Variants in LDLRAD4 observed in about 807,000 individuals in gnomAD.
LDLRAD4 encodes the protein low-density lipoprotein receptor class A domain-containing protein 4.
In LDLRAD4, 5 loss-of-function variants were observed where a neutral mutation model predicts 17.0. The ratio of observed to expected loss-of-function variants is 0.29; its 90% CI spans 0.15 to 0.62. The LOEUF (loss-of-function observed/expected upper bound fraction) is 0.62. LDLRAD4 is among the 20% of genes least tolerant of loss of function. LDLRAD4 has a pLI of 0.84. For missense variants in LDLRAD4, 340 were observed against 424.7 expected, an observed-to-expected ratio of 0.80 and a Z score of 1.75; for synonymous variants, 168 against 171.8, an observed-to-expected ratio of 0.98 and a Z score of 0.17.
chr18:13,477,530 C>G (rs112910735), intron 3 of LDLRAD4, among the ~76,000 whole-genome samples: 467 of 152,340 alleles, frequency 3.1e-3, no homozygotes, highest in African/African-American at 0.011. Context: ...GTGCAGGCAG[C>G]ATGGCTTGGA....
At chr18:13,353,511 T>C (rs1275417248) in intron 1 of LDLRAD4, among the ~76,000 whole-genome samples, 2 of 152,226 alleles carry the variant, frequency 1.3e-5, no homozygotes, top group Non-Finnish European at 2.9e-5. Context: ...TCTGTTGCCC[T>C]AGGTGTCTGT....
chr18:13,355,066 A>G lies in LDLRAD4; in HGVS notation c.-382-32275A>G, dbSNP rs113443877. ...GACATGTTGGTCATAAACAGGATCG[A>G]TGGGCAGATTCAAGTTGTTGGACTA... is the stretch of plus-strand genomic sequence containing the variant. On this transcript the variant is annotated intron_variant, in intron 1 of 5. Transcript: ENST00000359446. 5.1e-3 allele frequency among the ~76,000 whole-genome samples: 770 copies of G among 152,336 alleles called. 11 individuals carry two copies. The highest frequency in any genetic ancestry group is 0.018 in the African/African-American group (741 of 41,576).
intron 3 of LDLRAD4, among the ~76,000 whole-genome samples, chr18:13,511,538 A>G (rs2093778939): frequency 6.6e-6 from 1 of 152,226 alleles, no homozygotes. Flanking sequence ...CACACAGGTT[A>G]TCAGTGTACT....
At chr18:13,477,838 C>T (rs745916018) in intron 3 of LDLRAD4, among the ~76,000 whole-genome samples, 39 of 152,158 alleles carry the variant, frequency 2.6e-4, no homozygotes, top group Non-Finnish European at 1.0e-4. Context: ...TCCCTCAAGT[C>T]GATGTAGTCA....
rs1316882015 is a variant in LDLRAD4, at chr18:13,405,307, T to C, written c.40+17545T>C. 2.6e-5 allele frequency among the ~76,000 whole-genome samples: 4 copies of C among 152,222 alleles called. No individual in the cohort carries two copies. In the East Asian group the frequency reaches 7.7e-4, roughly 29 times the overall value. On this transcript the variant is annotated intron_variant, in intron 2 of 5. Coordinates refer to ENST00000359446, the Ensembl canonical transcript of LDLRAD4. Reference sequence around the variant, plus strand: ...GGCTTAGAGAGACAATACATCTTGTTGGTGGCAGAGTTGGACTTTCTACCC... The same window carrying C: ...GGCTTAGAGAGACAATACATCTTGTCGGTGGCAGAGTTGGACTTTCTACCC...
In LDLRAD4 at chr18:13,385,604, C is replaced by G. The variant is rs565641897; in HGVS notation, c.-382-1737C>G. 3.3e-5 allele frequency among the ~76,000 whole-genome samples: 5 copies of G among 152,300 alleles called. No individual in the cohort carries two copies. In the South Asian group the frequency reaches 1.0e-3, roughly 32 times the overall value. ...TTTAGAGAATGAGAACAAATAAAGTCTAGCATATTTGCACACCAAAAGCAT... is the reference window on the plus strand; with the variant it reads ...TTTAGAGAATGAGAACAAATAAAGTGTAGCATATTTGCACACCAAAAGCAT... On this transcript the variant is annotated intron_variant, in intron 1 of 5. Coordinates refer to ENST00000359446, the Ensembl canonical transcript of LDLRAD4.
chr18:13,334,003 G>A (rs1260352044), intron 1 of LDLRAD4, among the ~76,000 whole-genome samples: 1 of 152,186 alleles, frequency 6.6e-6, no homozygotes, highest in African/African-American at 2.4e-5. Context: ...GAACTGACAT[G>A]TTGACAATAT....
intron 4 of LDLRAD4, chr18:13,641,800 T>G (rs996321108): frequency 2.0e-6 from 2 of 985,568 alleles, no homozygotes; most frequent in African/African-American, 3.5e-5. Flanking sequence ...GCGGCTCCTG[T>G]GGGCACTTGG....
intron 3 of LDLRAD4, among the ~76,000 whole-genome samples, chr18:13,546,877 C>A (rs1390509402): frequency 6.6e-6 from 1 of 152,198 alleles, no homozygotes; most frequent in Non-Finnish European, 1.5e-5. Flanking sequence ...GAAATAGCCA[C>A]ACAGAAAGCC....
chr18:13,293,497 A>ACCCC (rs2146447170), intron 1 of LDLRAD4, among the ~76,000 whole-genome samples: 1 of 152,342 alleles, frequency 6.6e-6, no homozygotes, highest in African/African-American at 2.4e-5. Flanking sequence ...ACCTATGCAA[A>ACCCC]CCCCATACAA....
At chr18:13,413,389 A>G (rs577170816) in intron 2 of LDLRAD4, among the ~76,000 whole-genome samples, 1 of 152,370 alleles carries the variant, frequency 6.6e-6, no homozygotes, top group Non-Finnish European at 1.5e-5. Flanking sequence ...GACAAAGTAA[A>G]TGTGAGCTTC....
intron 3 of LDLRAD4, 50 bp downstream of exon 4, chr18:13,438,434 C>A: frequency 6.5e-7 from 1 of 1,536,058 alleles, no homozygotes; most frequent in Non-Finnish European, 9.0e-7. Context: ...GGTTCTGAAA[C>A]GGTTAGGAGG....
At chr18:13,441,933 T>C (rs2091050128) in intron 3 of LDLRAD4, among the ~76,000 whole-genome samples, 1 of 152,214 alleles carries the variant, frequency 6.6e-6, no homozygotes, top group African/African-American at 2.4e-5. Flanking sequence ...AGGTCTGGGC[T>C]GACATCCATT....
intron 2 of LDLRAD4, among the ~76,000 whole-genome samples, chr18:13,435,211 T>C (rs2090573950): frequency 6.6e-6 from 1 of 152,248 alleles, no homozygotes; most frequent in Admixed American, 6.5e-5. Context: ...TTTTGTTAAG[T>C]TGGACAGATA....
chr18:13,628,008 G>C (rs900233144), intron 4 of LDLRAD4, among the ~76,000 whole-genome samples: 2 of 152,224 alleles, frequency 1.3e-5, no homozygotes, highest in African/African-American at 2.4e-5. Context: ...GAGGCTCTGA[G>C]GTGGGCCCCA....
chr18:13,415,894 T>A (rs2145771433), intron 2 of LDLRAD4, among the ~76,000 whole-genome samples: 1 of 152,344 alleles, frequency 6.6e-6, no homozygotes, highest in East Asian at 1.9e-4. Context: ...AAGCTGTGTC[T>A]CAGTCCCAGG....
At chr18:13,642,946 G>GT (rs1220990232) in intron 4 of LDLRAD4, among the ~76,000 whole-genome samples, 6 of 136,588 alleles carry the variant, frequency 4.4e-5, no homozygotes, top group East Asian at 2.2e-4. Context: ...TTTTTCTTCT[G>GT]TTTTTTTGAT....
intron 2 of LDLRAD4, among the ~76,000 whole-genome samples, chr18:13,412,619 C>T (rs2088484158): frequency 6.6e-6 from 1 of 152,108 alleles, no homozygotes; most frequent in Admixed American, 6.6e-5. Context: ...CTTTATGGGC[C>T]TCCACTCCAG....
At chr18:13,590,771 A>G (rs1251403340) in intron 3 of LDLRAD4, among the ~76,000 whole-genome samples, 6 of 152,218 alleles carry the variant, frequency 3.9e-5, no homozygotes, top group African/African-American at 1.2e-4. Context: ...TTACTGATCA[A>G]TTGCACTGGA....
Sources: gnomAD v4.1 joint callset for allele counts (sites outside exome capture counted in the v4.1 genomes callset) on GRCh38, gnomAD v4.1.1 for gene constraint, MANE v1.5 for transcripts, NCBI Gene and HGNC (gene_info 2026-07-23, HGNC 2026-07-21) for gene names.